Variants in ZFX observed in about 807,000 individuals in gnomAD.
ZFX encodes the protein zinc finger X-chromosomal protein.
For synonymous variants in ZFX, 196 were observed against 226.8 expected (o/e 0.86, Z 1.22); for missense variants, 362 against 628.3 (o/e 0.58, Z 4.53).
At position 24,151,766 on chromosome X, in the gene ZFX, G is replaced by A. The variant is rs1375926764; in HGVS notation, c.-174G>A. The A allele has an allele frequency of 8.9e-6, 1 of 111,883 alleles. No individual in the cohort carries two copies. The highest frequency in any genetic ancestry group is 3.3e-5 in the African/African-American group (1 of 30,713). 9.2% of individuals were successfully genotyped at this position (111,883 alleles called of 1,213,427 possible). A position where few individuals can be genotyped will look rare whatever the true frequency, so the allele number is the denominator to read the frequency against. On this transcript the variant is annotated 5_prime_UTR_variant, in exon 2 of 10. Transcript: ENST00000304543. ...TTCTCCCGCCTCCCACTGCCCGCCT[G>A]TCACTGCCGTCTGTTCCCTGAGCTG...
upstream of ZFX, chrX:24,149,720 G>A (rs1931730243): frequency 9.0e-6 from 1 of 111,018 alleles, no homozygotes; most frequent in Admixed American, 9.3e-5. Context: ...ACCAGCCGGA[G>A]CCCGGCCCAG....
At chrX:24,166,729 T>C (rs1382617078) in intron 3 of ZFX, among the ~76,000 whole-genome samples, 2 of 111,891 alleles carry the variant, frequency 1.8e-5, no homozygotes, top group African/African-American at 3.2e-5. Flanking sequence ...CACACACTTA[T>C]TTTTTCTTCC....
At chrX:24,167,477 A>G (rs1252861657) in intron 3 of ZFX, among the ~76,000 whole-genome samples, 2 of 111,916 alleles carry the variant, frequency 1.8e-5, no homozygotes, top group African/African-American at 6.5e-5. Context: ...GAGGCACCAA[A>G]TTCAACTAAC....
rs1378672769 is a variant in ZFX at position 24,160,821 on chromosome X, T to C, written c.-29+7991T>C. ...AACACTAGAACTTATTCCCCCTATTTAGCTATAATTTGTATCTGTTAACCA... is the reference window on the plus strand; with the variant it reads ...AACACTAGAACTTATTCCCCCTATTCAGCTATAATTTGTATCTGTTAACCA... On this transcript the variant is annotated intron_variant, in intron 3 of 9. Coordinates refer to ENST00000304543, the MANE Select transcript of ZFX (RefSeq NM_003410.4). 2.7e-5 allele frequency among the ~76,000 whole-genome samples: 3 copies of C among 111,807 alleles called. No homozygotes were observed. In the East Asian group the frequency reaches 8.3e-4, roughly 31 times the overall value.
intron 3 of ZFX, among the ~76,000 whole-genome samples, chrX:24,169,069 A>T (rs1934304585): frequency 1.8e-5 from 2 of 111,296 alleles, no homozygotes; most frequent in South Asian, 7.5e-4. Flanking sequence ...TCTGATTGTC[A>T]AAGGGAGTTA....
Position 24,207,652 on chromosome X carries a change from A to T in ZFX, c.797-60A>T. ...TAATAAGAAAATTATGTAAAAAGAA[A>T]TAGGTGGAAATGCAGTTTTCAAATA... On this transcript the variant is annotated intron_variant, in intron 6 of 9. Coordinates refer to ENST00000304543, the MANE Select transcript of ZFX (RefSeq NM_003410.4). 8 of 1,164,830 alleles carry T rather than the reference A, an allele frequency of 6.9e-6. No individual in the cohort carries two copies. In the South Asian group the frequency reaches 1.5e-4, roughly 22 times the overall value.
intron 5 of ZFX, among the ~76,000 whole-genome samples, chrX:24,184,391 T>C (rs1283679040): frequency 8.1e-5 from 9 of 111,626 alleles, no homozygotes; most frequent in Non-Finnish European, 1.7e-4. Flanking sequence ...GCTTTTTTGC[T>C]AAGGAGTAAA....
chrX:24,194,834 C>T (rs1936793493), intron 5 of ZFX, among the ~76,000 whole-genome samples: 1 of 107,698 alleles, frequency 9.3e-6, no homozygotes, highest in Admixed American at 1.0e-4. Flanking sequence ...GCAATCTCCA[C>T]CTCCCTAGTT....
At chrX:24,149,471 C>T (rs1601761476), upstream of ZFX, 1 of 111,501 alleles carries the variant, frequency 9.0e-6, no homozygotes. Context: ...CTCCGGCCGC[C>T]GGAGACCCCG....
chrX:24,176,486 G>A (rs1245034181), intron 4 of ZFX, among the ~76,000 whole-genome samples: 1 of 87,437 alleles, frequency 1.1e-5, no homozygotes, highest in Admixed American at 1.4e-4. Context: ...AGGCTGGAGT[G>A]CAGTGATACA....
chrX:24,196,807 G>C (rs956784488), intron 5 of ZFX, among the ~76,000 whole-genome samples: 1 of 111,471 alleles, frequency 9.0e-6, no homozygotes, highest in African/African-American at 3.3e-5. Flanking sequence ...TGTTGTCCAG[G>C]CTGGTCTCAA....
intron 3 of ZFX, among the ~76,000 whole-genome samples, chrX:24,164,219 G>A (rs961922934): frequency 2.7e-5 from 3 of 110,824 alleles, no homozygotes; most frequent in South Asian, 3.8e-4. Flanking sequence ...AGAAGCAGGC[G>A]TATTTCAAAC....
intron 3 of ZFX, among the ~76,000 whole-genome samples, chrX:24,157,164 G>A (rs1165252743): frequency 8.9e-6 from 1 of 112,045 alleles, no homozygotes; most frequent in Non-Finnish European, 1.9e-5. Flanking sequence ...CTGGGTATGT[G>A]CTACTACTTT....
intron 5 of ZFX, among the ~76,000 whole-genome samples, chrX:24,189,058 C>T (rs1332847833): frequency 8.9e-6 from 1 of 111,795 alleles, no homozygotes; most frequent in African/African-American, 3.3e-5. Flanking sequence ...AGGATGGTCT[C>T]GATCTTCTGA....
rs753002221 is a variant in ZFX at position 24,215,119 on chromosome X, C to CA, written c.*3744dup. On this transcript the variant is annotated 3_prime_UTR_variant, in exon 10 of 10. Transcript: ENST00000304543. ...ATGACGAAGGGAATGTGGTGAATGT[C>CA]ACTGTCCAGAGCCATAAATCAGACA... 2 of 111,863 alleles carry CA rather than the reference C, an allele frequency of 1.8e-5. No individual in the cohort carries two copies. Among genetic ancestry groups the CA allele is most frequent in the East Asian group, 2.8e-4 (1 of 3,594 alleles). The allele number at this position is 111,863 out of a possible 1,213,427, so 9.2% of individuals were successfully genotyped here.
intron 5 of ZFX, among the ~76,000 whole-genome samples, chrX:24,192,748 A>G (rs766085078): frequency 2.8e-4 from 31 of 110,470 alleles, no homozygotes; most frequent in African/African-American, 8.9e-4. Flanking sequence ...TCTAGAAACA[A>G]TTAAAAAAAG....
intron 1 of ZFX, among the ~76,000 whole-genome samples, chrX:24,151,068 G>T (rs927561396): frequency 8.9e-6 from 1 of 112,110 alleles, no homozygotes; most frequent in Non-Finnish European, 1.9e-5. Flanking sequence ...GCCTGTCATG[G>T]TATTTCGATT....
Position 24,149,756 on chromosome X carries a change from GCACCCGCCACCGTCGCCGGC to G in ZFX, c.-286_-267del, listed in dbSNP as rs1931736667. The G allele has an allele frequency of 9.0e-6, 1 of 110,566 alleles. No individual in the cohort carries two copies. Among genetic ancestry groups the G allele is most frequent in the African/African-American group, 3.3e-5 (1 of 30,760 alleles). The allele number at this position is 110,566 out of a possible 1,213,427, so 9.1% of individuals were successfully genotyped here. A position where few individuals can be genotyped will look rare whatever the true frequency, so the allele number is the denominator to read the frequency against. On this transcript the variant is annotated 5_prime_UTR_variant, in exon 1 of 10. Transcript: ENST00000304543. ...TGCTCCAGAGAAAGGCCGGCCTGCA[GCACCCGCCACCGTCGCCGGC>G]CGCCCGCACGTCCGTCCGGTGAGTC...
At chrX:24,186,644 A>G (rs1318086880) in intron 5 of ZFX, among the ~76,000 whole-genome samples, 1 of 111,044 alleles carries the variant, frequency 9.0e-6, no homozygotes, top group African/African-American at 3.3e-5. Context: ...TCAAAAACCA[A>G]AAAACCACAC....
Sources: allele counts gnomAD v4.1 joint callset (sites outside exome capture counted in the v4.1 genomes callset), GRCh38; gene constraint gnomAD v4.1.1; transcripts MANE v1.5; gene names NCBI Gene and HGNC (gene_info 2026-07-23, HGNC 2026-07-21).